The following SLC24A2 variants were observed in gnomAD, a reference collection of about 807,000 sequenced individuals.
SLC24A2 encodes sodium/potassium/calcium exchanger 2.
A neutral mutation model predicts 62.0 loss-of-function variants in SLC24A2; 36 were observed. That is an observed-to-expected ratio of 0.58 (90% CI 0.44 to 0.77). The LOEUF (loss-of-function observed/expected upper bound fraction) is 0.77. SLC24A2 is among the 30% of genes least tolerant of loss of function. The pLI is 0.00. For synonymous variants in SLC24A2, 358 were observed against 294.0 expected (o/e 1.22, Z -2.23); for missense variants, 846 against 817.9 (o/e 1.03, Z -0.42).
the SLC24A2 span, among the ~76,000 whole-genome samples, chr9:20,089,549 C>G: frequency 6.6e-6 from 1 of 152,064 alleles, no homozygotes. Context: ...CCTGGGAACC[C>G]CCACTCCCAA....
At chr9:20,306,452 C>T in the SLC24A2 span, among the ~76,000 whole-genome samples, 1 of 152,168 alleles carries the variant, frequency 6.6e-6, no homozygotes, top group Non-Finnish European at 1.5e-5. Flanking sequence ...CCAAAAGGTT[C>T]CACAAATAGA....
At chr9:19,722,081 T>C (rs998068804) in intron 2 of SLC24A2, among the ~76,000 whole-genome samples, 3 of 152,172 alleles carry the variant, frequency 2.0e-5, no homozygotes, top group Non-Finnish European at 4.4e-5. Flanking sequence ...TGTCAGATGC[T>C]ATTATAGTTT....
chr9:20,224,691 G>T, the SLC24A2 span, among the ~76,000 whole-genome samples: 4 of 151,656 alleles, frequency 2.6e-5, no homozygotes, highest in African/African-American at 9.7e-5. Context: ...AGGCAGAGAA[G>T]AAGAGGGAGG....
At chr9:20,170,996 C>A in the SLC24A2 span, among the ~76,000 whole-genome samples, 1 of 151,986 alleles carries the variant, frequency 6.6e-6, no homozygotes, top group Non-Finnish European at 1.5e-5. Context: ...TAAAGGAAAA[C>A]CTATCAGATT....
At chr9:19,977,125 G>GTGTGTGTC in the SLC24A2 span, among the ~76,000 whole-genome samples, 2 of 151,570 alleles carry the variant, frequency 1.3e-5, no homozygotes, top group South Asian at 4.2e-4. Context: ...GTGTGTGTGT[G>GTGTGTGTC]TGTGTGTGTG....
At chr9:20,178,932 A>G in the SLC24A2 span, among the ~76,000 whole-genome samples, 10 of 152,150 alleles carry the variant, frequency 6.6e-5, no homozygotes, top group African/African-American at 1.9e-4. Context: ...CCATACTACT[A>G]TGACTCCATA....
intron 2 of SLC24A2, among the ~76,000 whole-genome samples, chr9:19,772,143 C>G (rs1304808888): frequency 1.3e-5 from 2 of 152,136 alleles, no homozygotes; most frequent in Non-Finnish European, 2.9e-5. Context: ...AAGGATGATG[C>G]AGCAACCAGA....
intron 5 of SLC24A2, among the ~76,000 whole-genome samples, chr9:19,579,503 G>A (rs1416426303): frequency 6.6e-6 from 1 of 152,110 alleles, no homozygotes; most frequent in African/African-American, 2.4e-5. Context: ...AACTTTATTG[G>A]AGATGATGCT....
At chr9:19,607,964 T>C (rs1837039239) in intron 4 of SLC24A2, among the ~76,000 whole-genome samples, 1 of 152,212 alleles carries the variant, frequency 6.6e-6, no homozygotes, top group African/African-American at 2.4e-5. Context: ...AATAATGCTT[T>C]ACTATTCCCT....
At chr9:19,650,734 AC>A in intron 2 of SLC24A2, among the ~76,000 whole-genome samples, 1 of 152,252 alleles carries the variant, frequency 6.6e-6, no homozygotes, top group African/African-American at 2.4e-5. Flanking sequence ...ACACACACAC[AC>A]ACAAATAAAA....
At chr9:20,103,224 C>G in the SLC24A2 span, among the ~76,000 whole-genome samples, 263 of 152,338 alleles carry the variant, frequency 1.7e-3, 6 homozygotes, top group South Asian at 0.024. Flanking sequence ...CCCACCACAG[C>G]TCAAGGAGGC....
chr9:19,550,368 T>G, intron 7 of SLC24A2, 100 bp from the exon 8 acceptor site: 1 of 1,291,144 alleles, frequency 7.7e-7, no homozygotes, highest in Non-Finnish European at 1.1e-6. Flanking sequence ...CCATGTCTTA[T>G]CAGTTTTCTG....
chr9:19,975,262 T>A, the SLC24A2 span, among the ~76,000 whole-genome samples: 1 of 152,116 alleles, frequency 6.6e-6, no homozygotes, highest in Non-Finnish European at 1.5e-5. Context: ...ATTTTAACAC[T>A]CCCTAGACAT....
At chr9:19,996,608 G>A in the SLC24A2 span, among the ~76,000 whole-genome samples, 1 of 152,046 alleles carries the variant, frequency 6.6e-6, no homozygotes, top group Non-Finnish European at 1.5e-5. Context: ...CAGGCATGCT[G>A]GCAGGTGCCT....
chr9:19,840,292 C>T, the SLC24A2 span, among the ~76,000 whole-genome samples: 17 of 152,092 alleles, frequency 1.1e-4, no homozygotes, highest in African/African-American at 3.4e-4. Flanking sequence ...CTTATAACTG[C>T]GACTCTTTCT....
At chr9:19,997,018 T>C in the SLC24A2 span, among the ~76,000 whole-genome samples, 19 of 152,076 alleles carry the variant, frequency 1.2e-4, no homozygotes, top group African/African-American at 4.1e-4. Context: ...CTGTCCATTA[T>C]TGCAGGCAAA....
At chr9:19,809,981 C>A in the SLC24A2 span, among the ~76,000 whole-genome samples, 1 of 152,274 alleles carries the variant, frequency 6.6e-6, no homozygotes, top group Non-Finnish European at 1.5e-5. Context: ...GGTATATACC[C>A]CAGACAACGC....
chr9:19,550,236 G>C lies in SLC24A2; in HGVS notation c.1380C>G (p.Ser460Arg), dbSNP rs771069335. The C allele has an allele frequency of 1.9e-6, 3 of 1,614,126 alleles. No homozygotes were observed. Among genetic ancestry groups the C allele is most frequent in the Non-Finnish European group, 2.5e-6 (3 of 1,179,980 alleles). ...TADEEEDQPL[S>R]LAWPSETRKQ... Reference sequence around the variant, plus strand: ...TGCGGGTTTCAGAAGGCCAGGCAAGGCTGAGAGGCTGGTCCTCCTCCTCAT... The same window carrying C: ...TGCGGGTTTCAGAAGGCCAGGCAAGCCTGAGAGGCTGGTCCTCCTCCTCAT... The change falls in exon 8 of 11, where the codon AGC becomes AGG. Residue 460 changes from serine (S) to arginine (R), a missense_variant. By Grantham distance (110) the Ser-to-Arg change is moderately radical. Transcript: ENST00000341998.
chr9:19,775,329 T>A (rs553605979), intron 2 of SLC24A2, among the ~76,000 whole-genome samples: 2 of 152,226 alleles, frequency 1.3e-5, no homozygotes, highest in African/African-American at 4.8e-5. Context: ...CTTTTCCACC[T>A]GATGACAAGC....
Sources: gnomAD v4.1 joint callset for allele counts (sites outside exome capture counted in the v4.1 genomes callset) on GRCh38, gnomAD v4.1.1 for gene constraint, MANE v1.5 for transcripts, NCBI Gene and HGNC (gene_info 2026-07-23, HGNC 2026-07-21) for gene names.